OR4K13: variants seen among roughly 807,000 people sequenced by gnomAD.
The protein encoded by OR4K13 is olfactory receptor family 4 subfamily K member 13.
For missense variants in OR4K13, 403 were observed against 366.0 expected, an observed-to-expected ratio of 1.10 and a Z score of -0.82; for synonymous variants, 160 against 134.8, an observed-to-expected ratio of 1.19 and a Z score of -1.30.
rs1254882251 is a variant in OR4K13 at position 20,030,641 on chromosome 14, T to C, written c.*3203A>G. On this transcript the variant is annotated 3_prime_UTR_variant, in exon 2 of 2. Transcript: ENST00000641904. ...AAACCCCAAGAGTCTTCCTACTACT[T>C]TCCCTTAATTTTAACCCTGGGATCC... 6.6e-6 allele frequency: 1 copy of C among 152,202 alleles called. No individual in the cohort carries two copies. The highest frequency in any genetic ancestry group is 2.4e-5 in the African/African-American group (1 of 41,452). The allele number at this position is 152,202 out of a possible 1,614,324, so 9.4% of individuals were successfully genotyped here.
At position 20,034,263 on chromosome 14, in the gene OR4K13, A is replaced by C. The variant is rs1877505415; in HGVS notation, c.496T>G (p.Leu166Val). The C allele has an allele frequency of 6.2e-7, 1 of 1,614,040 alleles. No individual in the cohort carries two copies. The highest frequency in any genetic ancestry group is 8.5e-7 in the Non-Finnish European group (1 of 1,180,022). Residue 166 changes from leucine to valine, a missense_variant, in exon 2 of 2, where the codon TTG becomes GTG. Leu to Val is a conservative substitution (Grantham distance 32, BLOSUM62 1). Transcript: ENST00000641904. ...SSSQMAFMLT[L>V]PFCGPNVIDS... ...ATAACATTGGGACCACAGAAGGGCA[A>C]AGTCAACATGAAAGCCATTTGACTA... is the stretch of plus-strand genomic sequence containing the variant.
At position 20,032,020 on chromosome 14, in the gene OR4K13, G is replaced by A. The variant is rs1387429636; in HGVS notation, c.*1824C>T. Reference sequence around the variant, plus strand: ...AGTGCAGGAACGTGCAGGTCTGCGTGTTTTGTTCTGAAGGTTATCTTGAGT... The same window carrying A: ...AGTGCAGGAACGTGCAGGTCTGCGTATTTTGTTCTGAAGGTTATCTTGAGT... On this transcript the variant is annotated 3_prime_UTR_variant, in exon 2 of 2. Coordinates refer to ENST00000641904, the MANE Select transcript of OR4K13 (RefSeq NM_001004714.2). 1 of 152,346 alleles carries A rather than the reference G, an allele frequency of 6.6e-6. No individual in the cohort carries two copies. The highest frequency in any genetic ancestry group is 6.5e-5 in the Admixed American group (1 of 15,282). The allele number at this position is 152,346 out of a possible 1,614,324, so 9.4% of individuals were successfully genotyped here.
Position 20,030,372 on chromosome 14 carries a change from TAAAA to T in OR4K13, c.*3468_*3471del, listed in dbSNP as rs1215373596. ...AATAAATTTTAAAAAATTAAAATAA[TAAAA>T]AATAAATTGCTATAAAAGCTCACAA... On this transcript the variant is annotated 3_prime_UTR_variant, in exon 2 of 2. Transcript: ENST00000641904. 1.3e-5 allele frequency: 2 copies of T among 151,812 alleles called. No individual in the cohort carries two copies. The highest frequency in any genetic ancestry group is 2.9e-5 in the Non-Finnish European group (2 of 67,944). 9.4% of individuals were successfully genotyped at this position (151,812 alleles called of 1,614,324 possible).
chr14:20,033,909 G>T lies in OR4K13; in HGVS notation c.850C>A (p.Pro284Thr). ...TGATTTCTTAATGTATAAATAATAGGATTTAAGAGAGGTGTGAAAATTGTG... is the reference window on the plus strand; with the variant it reads ...TGATTTCTTAATGTATAAATAATAGTATTTAAGAGAGGTGTGAAAATTGTG... Reference protein sequence around the residue: ...FYTIFTPLLNPIIYTLRNQEV... With the variant: ...FYTIFTPLLNTIIYTLRNQEV... The change falls in exon 2 of 2, where the codon CCT (proline) becomes ACT (threonine). Residue 284 changes from proline to threonine, a missense_variant. Physicochemically the swap from Pro to Thr is conservative, Grantham distance 38 (BLOSUM62 -1). Transcript: ENST00000641904. 1 of 1,590,084 alleles carries T rather than the reference G, an allele frequency of 6.3e-7. No homozygotes were observed. Among genetic ancestry groups the T allele is most frequent in the Admixed American group, 1.7e-5 (1 of 59,802 alleles).
rs928804400 is a variant in OR4K13 at position 20,029,600 on chromosome 14, C to T, written c.*4244G>A. 4.6e-5 allele frequency: 7 copies of T among 151,950 alleles called. No homozygotes were observed. Among genetic ancestry groups the T allele is most frequent in the Non-Finnish European group, 8.8e-5 (6 of 67,994 alleles). 9.4% of individuals were successfully genotyped at this position (151,950 alleles called of 1,614,324 possible). A position where few individuals can be genotyped will look rare whatever the true frequency, so the allele number is the denominator to read the frequency against. On this transcript the variant is annotated 3_prime_UTR_variant, in exon 2 of 2. Coordinates refer to ENST00000641904, the MANE Select transcript of OR4K13 (RefSeq NM_001004714.2). ...AAGATAGTTTGAGGAAGAATAGTAACGGGAGTACTTATATGGGTAGATATT... is the reference window on the plus strand; with the variant it reads ...AAGATAGTTTGAGGAAGAATAGTAATGGGAGTACTTATATGGGTAGATATT...
chr14:20,034,233 T>C lies in OR4K13; in HGVS notation c.526A>G (p.Ser176Gly), dbSNP rs1015895072. The C allele has an allele frequency of 6.2e-7, 1 of 1,614,004 alleles. No individual in the cohort carries two copies. The highest frequency in any genetic ancestry group is 1.3e-5 in the African/African-American group (1 of 74,912). The change falls in exon 2 of 2, where the codon AGC (serine) becomes GGC (glycine). Residue 176 changes from serine (S) to glycine (G), a missense_variant. Coordinates refer to ENST00000641904, the MANE Select transcript of OR4K13 (RefSeq NM_001004714.2). Reference protein sequence around the residue: ...LPFCGPNVIDSFFCDLPLVIK... With the variant: ...LPFCGPNVIDGFFCDLPLVIK... ...ACAAGGGGAAGGTCACAGAAAAAGCTGTCTATAACATTGGGACCACAGAAG... is the reference window on the plus strand; with the variant it reads ...ACAAGGGGAAGGTCACAGAAAAAGCCGTCTATAACATTGGGACCACAGAAG...
Position 20,033,719 on chromosome 14 carries a change from C to T in OR4K13, c.*125G>A. ...GCCATTACTTTAATTTTGTCATTTA[C>T]TTTAATGGCAAAAACCGCAATGACT... On this transcript the variant is annotated 3_prime_UTR_variant, in exon 2 of 2. Coordinates refer to ENST00000641904, the MANE Select transcript of OR4K13 (RefSeq NM_001004714.2). 1 of 589,474 alleles carries T rather than the reference C, an allele frequency of 1.7e-6. No homozygotes were observed. 36.5% of individuals were successfully genotyped at this position (589,474 alleles called of 1,614,324 possible).
In OR4K13 at chr14:20,033,657, T is replaced by C. The variant is rs1451877069; in HGVS notation, c.*187A>G. ...ATCTACTATTTCCTCATATGGAACT[T>C]GAACTGTTAGCTGGTACACAAGTTA... is the stretch of plus-strand genomic sequence containing the variant. On this transcript the variant is annotated 3_prime_UTR_variant, in exon 2 of 2. Transcript: ENST00000641904. 1 of 467,694 alleles carries C rather than the reference T, an allele frequency of 2.1e-6. No homozygotes were observed. The highest frequency in any genetic ancestry group is 3.8e-6 in the Non-Finnish European group (1 of 261,510). 29.0% of individuals were successfully genotyped at this position (467,694 alleles called of 1,614,324 possible). A position where few individuals can be genotyped will look rare whatever the true frequency, so the allele number is the denominator to read the frequency against.
In OR4K13 at chr14:20,033,833, A is replaced by G; in HGVS notation, c.*11T>C. On this transcript the variant is annotated 3_prime_UTR_variant, in exon 2 of 2. Transcript: ENST00000641904. The stretch of plus-strand genomic sequence containing the variant: ...TCTTCAAAAGTCTCATCTAAAAAGT[A>G]TGCTTTAAATTTATATGCAGAGTCT... 1 of 1,332,174 alleles carries G rather than the reference A, an allele frequency of 7.5e-7. No individual in the cohort carries two copies. The highest frequency in any genetic ancestry group is 1.0e-6 in the Non-Finnish European group (1 of 956,702). 82.5% of individuals were successfully genotyped at this position (1,332,174 alleles called of 1,614,324 possible).
rs927844591 is a variant in OR4K13, at chr14:20,034,404, C to T, written c.355G>A (p.Ala119Thr). 1 of 1,613,908 alleles carries T rather than the reference C, an allele frequency of 6.2e-7. No homozygotes were observed. Among genetic ancestry groups the T allele is most frequent in the Admixed American group, 1.7e-5 (1 of 59,966 alleles). The change falls in exon 2 of 2, where the codon GCA becomes ACA. Residue 119 changes from alanine (A) to threonine (T), a missense_variant. Transcript: ENST00000641904. ...GSEMMLLVAM[A>T]IDRYVAICKP... ...CATATGGCAACATACCTGTCTATTG[C>T]CATGGCTACAAGCAACATCATCTCA... is the stretch of plus-strand genomic sequence containing the variant.
Position 20,034,197 on chromosome 14 carries a change from C to G in OR4K13, c.562G>C (p.Ala188Pro), listed in dbSNP as rs1184062091. The G allele has an allele frequency of 6.2e-7, 1 of 1,614,066 alleles. No homozygotes were observed. Among genetic ancestry groups the G allele is most frequent in the Non-Finnish European group, 8.5e-7 (1 of 1,179,992 alleles). ...FCDLPLVIKL[A>P]CKDTYILQLL... ...TGTAGGATGTAGGTGTCCTTGCAGG[C>G]AAGTTTAATCACAAGGGGAAGGTCA... The change falls in exon 2 of 2, where the codon GCC (alanine) becomes CCC (proline). Residue 188 changes from alanine to proline, a missense_variant. Ala to Pro is a conservative substitution (Grantham distance 27). Transcript: ENST00000641904.
Position 20,031,856 on chromosome 14 carries a change from T to A in OR4K13, c.*1988A>T, listed in dbSNP as rs2105261. On this transcript the variant is annotated 3_prime_UTR_variant, in exon 2 of 2. Coordinates refer to ENST00000641904, the MANE Select transcript of OR4K13 (RefSeq NM_001004714.2). ...GAGGCTGAAAACAAGTGCAGCAAGG[T>A]GTGGTAAAAGGAAAGCAATTTTATT... 1 allele frequency: 150,771 copies of A among 150,882 alleles called. 75,330 individuals carry two copies. Among genetic ancestry groups the A allele is most frequent in the Non-Finnish European group, 1 (67,906 of 67,906 alleles). 9.3% of individuals were successfully genotyped at this position (150,882 alleles called of 1,614,324 possible).
Position 20,034,522 on chromosome 14 carries a change from A to T in OR4K13, c.237T>A (p.Pro79=), listed in dbSNP as rs78395085. The part of the protein sequence containing the change: ...IDMILASFAT[P]KMIVDFLRER... ...CTCGGAGGAAATCTACAATCATCTT[A>T]GGGGTAGCAAAAGAAGCCAGGATCA... Residue 79 remains proline, a synonymous_variant, in exon 2 of 2, where the codon CCT becomes CCA. Coordinates refer to ENST00000641904, the MANE Select transcript of OR4K13 (RefSeq NM_001004714.2). The T allele has an allele frequency of 2.3e-3, 3,687 of 1,614,018 alleles. 80 individuals are homozygous for T. In the African/African-American group the frequency reaches 0.044, roughly 19 times the overall value.
At position 20,034,834 on chromosome 14, in the gene OR4K13, T is replaced by A; in HGVS notation, c.-76A>T. 1 of 1,220,882 alleles carries A rather than the reference T, an allele frequency of 8.2e-7. No individual in the cohort carries two copies. The highest frequency in any genetic ancestry group is 1.1e-6 in the Non-Finnish European group (1 of 877,916). The allele number at this position is 1,220,882 out of a possible 1,614,324, so 75.6% of individuals were successfully genotyped here. A position where few individuals can be genotyped will look rare whatever the true frequency, so the allele number is the denominator to read the frequency against. On this transcript the variant is annotated 5_prime_UTR_variant, in exon 2 of 2. Coordinates refer to ENST00000641904, the MANE Select transcript of OR4K13 (RefSeq NM_001004714.2). Reference sequence around the variant, plus strand: ...GGAAATGATGCATATTGGAAAGAAATGTTCATGTTGATGTCCACATTTGGT... The same window carrying A: ...GGAAATGATGCATATTGGAAAGAAAAGTTCATGTTGATGTCCACATTTGGT...
chr14:20,034,101 C>G lies in OR4K13; in HGVS notation c.658G>C (p.Val220Leu). 6.2e-7 allele frequency: 1 copy of G among 1,614,070 alleles called. No homozygotes were observed. The highest frequency in any genetic ancestry group is 8.5e-7 in the Non-Finnish European group (1 of 1,180,010). The stretch of plus-strand genomic sequence containing the variant: ...CGGTACCTAACTGAGAATATTATGA[C>G]TCCATAGGAGACAAGCAAGAGGAGG... The part of the protein sequence containing the change: ...CFLLLLVSYG[V>L]IIFSVRYRAA... Residue 220 changes from valine (V) to leucine (L), a missense_variant, in exon 2 of 2, where the codon GTC (valine) becomes CTC (leucine). Physicochemically the swap from Val to Leu is conservative, Grantham distance 32. Coordinates refer to ENST00000641904, the MANE Select transcript of OR4K13 (RefSeq NM_001004714.2).
At position 20,033,976 on chromosome 14, in the gene OR4K13, G is replaced by A. The variant is rs761318095; in HGVS notation, c.783C>T (p.Pro261=). 4 of 1,613,718 alleles carry A rather than the reference G, an allele frequency of 2.5e-6. No individual in the cohort carries two copies. Among genetic ancestry groups the A allele is most frequent in the Middle Eastern group, 3.3e-4 (2 of 6,080 alleles). ...FAPCVFIYVW[P]FSRYSVDKIL... is the part of the protein sequence containing the mutation. Reference sequence around the variant, plus strand: ...TTTTATCTACCGAGTATCTGCTGAAGGGCCAGACGTAGATAAAGACACACG... The same window carrying A: ...TTTTATCTACCGAGTATCTGCTGAAAGGCCAGACGTAGATAAAGACACACG... Residue 261 remains proline (P), a synonymous_variant, in exon 2 of 2, where the codon CCC becomes CCT. Transcript: ENST00000641904.
intron 1 of OR4K13, among the ~76,000 whole-genome samples, chr14:20,035,392 C>T (rs1279822521): frequency 6.6e-6 from 1 of 151,532 alleles, no homozygotes; most frequent in Non-Finnish European, 1.5e-5. Context: ...GAATCCCTCA[C>T]AGATCAGTAT....
rs1282066749 is a variant in OR4K13, at chr14:20,032,976, T to C, written c.*868A>G. The C allele has an allele frequency of 2.0e-5, 3 of 152,222 alleles. No homozygotes were observed. Among genetic ancestry groups the C allele is most frequent in the Non-Finnish European group, 4.4e-5 (3 of 68,056 alleles). The allele number at this position is 152,222 out of a possible 1,614,324, so 9.4% of individuals were successfully genotyped here. A position where few individuals can be genotyped will look rare whatever the true frequency, so the allele number is the denominator to read the frequency against. On this transcript the variant is annotated 3_prime_UTR_variant, in exon 2 of 2. Transcript: ENST00000641904. ...GCATTCTCAACATACTATTTCTTTC[T>C]CGTGGAATGTCTTTCTTTTCCATCT...
In OR4K13 at chr14:20,032,139, C is replaced by G. The variant is rs918835856; in HGVS notation, c.*1705G>C. ...GTAATTCCCCTCTCAAGGGAGGATT[C>G]TGCAGCCAGGTTTCCCTGCCTTGTT... On this transcript the variant is annotated 3_prime_UTR_variant, in exon 2 of 2. Coordinates refer to ENST00000641904, the MANE Select transcript of OR4K13 (RefSeq NM_001004714.2). The G allele has an allele frequency of 6.6e-6, 1 of 152,238 alleles. No individual in the cohort carries two copies. The highest frequency in any genetic ancestry group is 1.5e-5 in the Non-Finnish European group (1 of 68,092). 9.4% of individuals were successfully genotyped at this position (152,238 alleles called of 1,614,324 possible).
Sources: gnomAD v4.1 joint callset for allele counts (sites outside exome capture counted in the v4.1 genomes callset) on GRCh38, gnomAD v4.1.1 for gene constraint, MANE v1.5 for transcripts, NCBI Gene and HGNC (gene_info 2026-07-23, HGNC 2026-07-21) for gene names.